The following IQCM variants were observed in gnomAD, a reference collection of about 807,000 sequenced individuals.
The protein encoded by IQCM is IQ motif containing M, also known as IQ domain-containing protein M.
A neutral mutation model predicts 57.6 loss-of-function variants in IQCM; 45 were observed. That is an observed-to-expected ratio of 0.78 (90% CI 0.62 to 1.00). The LOEUF (loss-of-function observed/expected upper bound fraction) is 1.00. Among genes scored for constraint, IQCM ranks in the 50% least tolerant of loss-of-function variants. The probability of loss-of-function intolerance (pLI) is 0.00; values close to 1 mark genes in which losing one functional copy is unlikely to be tolerated. For missense variants in IQCM, 468 were observed against 511.6 expected (o/e 0.91, Z 0.82); for synonymous variants, 148 against 158.9 (o/e 0.93, Z 0.51).
At chr4:149,719,187 A>G (rs1765236587) in intron 5 of IQCM, among the ~76,000 whole-genome samples, 1 of 151,950 alleles carries the variant, frequency 6.6e-6, no homozygotes. Context: ...TCTACTAAAA[A>G]TACAAAATTA....
At chr4:149,469,602 A>G (rs1739274877) in intron 12 of IQCM, among the ~76,000 whole-genome samples, 1 of 152,216 alleles carries the variant, frequency 6.6e-6, no homozygotes, top group Non-Finnish European at 1.5e-5. Context: ...GCCAACATTC[A>G]ATTTCAGGAA....
At chr4:149,530,795 A>ACCCCCCCCCC (rs1169417035) in intron 12 of IQCM, among the ~76,000 whole-genome samples, 1 of 26,290 alleles carries the variant, frequency 3.8e-5, no homozygotes, top group Non-Finnish European at 7.6e-5. Flanking sequence ...AGACACCCCC[A>ACCCCCCCCCC]CCCCCCCACC....
chr4:149,490,294 C>CA (rs1560906861), intron 12 of IQCM, among the ~76,000 whole-genome samples: 2 of 151,966 alleles, frequency 1.3e-5, no homozygotes, highest in African/African-American at 4.8e-5. Flanking sequence ...AACCAAGTGT[C>CA]ACATTCTATT....
intron 5 of IQCM, among the ~76,000 whole-genome samples, chr4:149,719,236 C>T (rs913733916): frequency 2.0e-5 from 3 of 151,442 alleles, no homozygotes; most frequent in East Asian, 1.9e-4. Flanking sequence ...CCCAGCTACT[C>T]GGGAGGCTGA....
In IQCM at chr4:149,814,241, A is replaced by G. The variant is rs1433567951; in HGVS notation, c.-49+1070T>C. Among the ~76,000 whole-genome samples, 2 of 152,042 alleles carry G rather than the reference A, an allele frequency of 1.3e-5. 1 individual carries two copies. The highest frequency in any genetic ancestry group is 2.9e-5 in the Non-Finnish European group (2 of 67,916). ...AAGACCTTCCAAGAGGAAATATTGA[A>G]GTACAAATGTCTATCAAATACTGGT... On this transcript the variant is annotated intron_variant, in intron 2 of 13. Transcript: ENST00000636793.
chr4:149,700,127 C>T (rs1338646421), intron 5 of IQCM, among the ~76,000 whole-genome samples: 1 of 152,034 alleles, frequency 6.6e-6, no homozygotes, highest in African/African-American at 2.4e-5. Flanking sequence ...CAATCTGTCT[C>T]TGATGTAGAA....
At chr4:149,698,978 G>A (rs1223290331) in intron 5 of IQCM, among the ~76,000 whole-genome samples, 1 of 151,986 alleles carries the variant, frequency 6.6e-6, no homozygotes, top group Non-Finnish European at 1.5e-5. Flanking sequence ...TACATAGTAA[G>A]TACTCAATAA....
chr4:149,632,401 A>G (rs959420876), intron 7 of IQCM, among the ~76,000 whole-genome samples: 38 of 152,220 alleles, frequency 2.5e-4, no homozygotes, highest in African/African-American at 9.2e-4. Context: ...ATAATTGTGC[A>G]AATTCTGAGC....
intron 2 of IQCM, among the ~76,000 whole-genome samples, chr4:149,811,628 A>G (rs916761063): frequency 1.3e-5 from 2 of 152,032 alleles, no homozygotes; most frequent in Non-Finnish European, 2.9e-5. Context: ...CCCCACTCCC[A>G]GGTATCCAGG....
At position 149,742,695 on chromosome 4, in the gene IQCM, G is replaced by A; in HGVS notation, c.-4C>T. 3 of 1,231,218 alleles carry A rather than the reference G, an allele frequency of 2.4e-6. No individual in the cohort carries two copies. The highest frequency in any genetic ancestry group is 3.0e-6 in the Non-Finnish European group (3 of 987,292). The allele number at this position is 1,231,218 out of a possible 1,614,324, so 76.3% of individuals were successfully genotyped here. ...GCATAGCCTCTTCAGTAGTCATGAG[G>A]GGCAGTTAGAATGATCTTCTTTTTT... is the stretch of plus-strand genomic sequence containing the variant. On this transcript the variant is annotated 5_prime_UTR_variant, in exon 3 of 14. Coordinates refer to ENST00000636793, the MANE Select transcript of IQCM (RefSeq NM_001363507.2).
intron 2 of IQCM, among the ~76,000 whole-genome samples, chr4:149,753,656 A>T (rs2149942468): frequency 6.6e-6 from 1 of 152,096 alleles, no homozygotes; most frequent in East Asian, 1.9e-4. Flanking sequence ...GGTGCAGCAC[A>T]CCAACATGGC....
intron 12 of IQCM, among the ~76,000 whole-genome samples, chr4:149,494,883 G>T (rs995178111): frequency 1.3e-5 from 2 of 152,076 alleles, no homozygotes; most frequent in Non-Finnish European, 2.9e-5. Context: ...TGTCTTAAAG[G>T]TTTCTTTGGC....
chr4:149,516,749 ACGTTCTG>A (rs1187731341), intron 12 of IQCM, among the ~76,000 whole-genome samples: 1 of 151,946 alleles, frequency 6.6e-6, no homozygotes, highest in Admixed American at 6.6e-5. Context: ...CTGTTACATT[ACGTTCTG>A]CTTGCCTAGA....
intron 8 of IQCM, among the ~76,000 whole-genome samples, chr4:149,603,405 T>C (rs1050920699): frequency 6.6e-6 from 1 of 152,198 alleles, no homozygotes; most frequent in African/African-American, 2.4e-5. Context: ...TCTTTCATCA[T>C]TGATATGGCA....
intron 7 of IQCM, among the ~76,000 whole-genome samples, chr4:149,673,303 C>T (rs867507968): frequency 6.6e-6 from 1 of 152,016 alleles, no homozygotes; most frequent in East Asian, 1.9e-4. Context: ...GGGCTAAATG[C>T]TCCAATTAAA....
intron 8 of IQCM, among the ~76,000 whole-genome samples, chr4:149,600,351 A>T (rs1754164475): frequency 6.6e-6 from 1 of 152,190 alleles, no homozygotes; most frequent in South Asian, 2.1e-4. Flanking sequence ...GAAACTGAAA[A>T]ATTTAGTATC....
intron 8 of IQCM, among the ~76,000 whole-genome samples, chr4:149,591,348 T>G (rs1753144044): frequency 6.6e-6 from 1 of 152,112 alleles, no homozygotes; most frequent in Non-Finnish European, 1.5e-5. Context: ...TTTTGCATCT[T>G]AATTATAGAT....
chr4:149,373,335 G>A (rs191414975), intron 13 of IQCM, among the ~76,000 whole-genome samples: 33 of 152,154 alleles, frequency 2.2e-4, no homozygotes, highest in African/African-American at 6.7e-4. Flanking sequence ...CCTAAGTAGT[G>A]TAAGTGGGGT....
At chr4:149,750,496 A>T (rs1768331570) in intron 2 of IQCM, among the ~76,000 whole-genome samples, 1 of 152,226 alleles carries the variant, frequency 6.6e-6, no homozygotes, top group South Asian at 2.1e-4. Flanking sequence ...AAAGGTAATA[A>T]GAGCCTTATT....
Sources: allele counts gnomAD v4.1 joint callset (sites outside exome capture counted in the v4.1 genomes callset), GRCh38; gene constraint gnomAD v4.1.1; transcripts MANE v1.5; gene names NCBI Gene and HGNC (gene_info 2026-07-23, HGNC 2026-07-21).